LOXHD1: variants seen among roughly 807,000 people sequenced by gnomAD.
LOXHD1 encodes lipoxygenase homology PLAT domains 1.
A neutral mutation model predicts 248.2 loss-of-function variants in LOXHD1; 205 were observed. The ratio of observed to expected loss-of-function variants is 0.83; its 90% CI spans 0.74 to 0.93. The LOEUF is 0.93. Ranked by LOEUF, LOXHD1 falls within the 40% of genes least tolerant of loss-of-function variation. The pLI, the probability that LOXHD1 is intolerant of heterozygous loss-of-function variation, is 0.00. For synonymous variants in LOXHD1, 1,113 were observed against 1,162.8 expected, an observed-to-expected ratio of 0.96 and a Z score of 0.87; for missense variants, 2,930 against 2,971.6, an observed-to-expected ratio of 0.99 and a Z score of 0.33.
intron 8 of LOXHD1, among the ~76,000 whole-genome samples, chr18:46,599,930 T>G (rs573478265): frequency 3.9e-4 from 59 of 152,306 alleles, no homozygotes; most frequent in Admixed American, 9.1e-4. Flanking sequence ...TTTACAAGAA[T>G]GTATAAAACA....
At chr18:46,493,110 T>A (rs567111543) in intron 37 of LOXHD1, among the ~76,000 whole-genome samples, 1 of 152,354 alleles carries the variant, frequency 6.6e-6, no homozygotes, top group East Asian at 1.9e-4. Context: ...CAACTTCACT[T>A]ACTCTGTTCC....
At position 46,534,439 on chromosome 18, in the gene LOXHD1, C is replaced by T. The variant is rs867116137; in HGVS notation, c.4108G>A (p.Gly1370Arg). Reference protein sequence around the residue: ...SRFIVELEDVGEIIEKIRIGH... With the variant: ...SRFIVELEDVREIIEKIRIGH... ...ATCCGAATTTTTTCAATGATTTCTC[C>T]CACATCTTCTAACTTTGGAAAGGAG... is the stretch of plus-strand genomic sequence containing the variant. The change falls in exon 27 of 41, where the codon GGA becomes AGA. Residue 1370 changes from glycine (G) to arginine (R), a missense_variant. Coordinates refer to ENST00000642948, the MANE Select transcript of LOXHD1 (RefSeq NM_001384474.1). The T allele has an allele frequency of 6.4e-7, 1 of 1,551,358 alleles. No homozygotes were observed. Among genetic ancestry groups the T allele is most frequent in the Non-Finnish European group, 8.7e-7 (1 of 1,146,634 alleles).
At chr18:46,592,146 C>G in intron 11 of LOXHD1, 78 bp from the exon 12 acceptor site, 2 of 1,496,178 alleles carry the variant, frequency 1.3e-6, no homozygotes, top group Non-Finnish European at 1.8e-6. Flanking sequence ...ATTCTGCTAT[C>G]TCATTGCAGA....
rs1432755115 is a variant in LOXHD1, at chr18:46,578,007, T to G, written c.1810-140A>C. 9.7e-6 allele frequency: 8 copies of G among 825,440 alleles called. No homozygotes were observed. In the Admixed American group the frequency reaches 1.3e-4, roughly 14 times the overall value. The allele number at this position is 825,440 out of a possible 1,614,324, so 51.1% of individuals were successfully genotyped here. On this transcript the variant is annotated intron_variant, in intron 13 of 40. Transcript: ENST00000642948. ...CCTCTTTCACACATGGGACAGGAGC[T>G]ACCTATAAAGCACAGCTCACACCCA...
At chr18:46,655,232 A>C (rs1599082100) in intron 1 of LOXHD1, among the ~76,000 whole-genome samples, 1 of 152,192 alleles carries the variant, frequency 6.6e-6, no homozygotes, top group African/African-American at 2.4e-5. Flanking sequence ...AAGTCACTTA[A>C]TGTCTCAGGG....
At chr18:46,597,216 G>T (rs2038269763) in intron 8 of LOXHD1, among the ~76,000 whole-genome samples, 1 of 152,006 alleles carries the variant, frequency 6.6e-6, no homozygotes, top group African/African-American at 2.4e-5. Flanking sequence ...TACATTTAGG[G>T]TTTCCCATAT....
At chr18:46,553,572 T>C (rs1052890913) in intron 21 of LOXHD1, among the ~76,000 whole-genome samples, 2 of 152,236 alleles carry the variant, frequency 1.3e-5, no homozygotes, top group South Asian at 2.1e-4. Flanking sequence ...CATTAGTGTA[T>C]TTAATAAGTA....
At chr18:46,529,095 C>T (rs2035948316) in intron 29 of LOXHD1, 82 bp downstream of exon 29, 4 of 1,514,848 alleles carry the variant, frequency 2.6e-6, no homozygotes, top group East Asian at 4.9e-5. Flanking sequence ...CTGGATGTCC[C>T]CAGGAACCAA....
intron 7 of LOXHD1, chr18:46,601,700 A>T: frequency 3.7e-6 from 2 of 540,318 alleles, no homozygotes; most frequent in Non-Finnish European, 6.6e-6. Context: ...AACCGCACGT[A>T]TTATTACAGG....
At chr18:46,641,101 A>G (rs971331893) in intron 3 of LOXHD1, among the ~76,000 whole-genome samples, 1 of 152,042 alleles carries the variant, frequency 6.6e-6, no homozygotes, top group African/African-American at 2.4e-5. Context: ...CCCCTGCAAG[A>G]GCCCTTTCCC....
rs183134085 is a variant in LOXHD1 at position 46,534,139 on chromosome 18, C to T, written c.4212+196G>A. ...ATGCCCAGACCCTCCTCCTCAACCACGAAACCAGGTTCTAGAAAATTCTGC... is the reference window on the plus strand; with the variant it reads ...ATGCCCAGACCCTCCTCCTCAACCATGAAACCAGGTTCTAGAAAATTCTGC... On this transcript the variant is annotated intron_variant, in intron 27 of 40. Transcript: ENST00000642948. Among the ~76,000 whole-genome samples the T allele has an allele frequency of 1.2e-3, 183 of 152,196 alleles. 1 individual carries two copies. The highest frequency in any genetic ancestry group is 4.0e-3 in the African/African-American group (168 of 41,560).
chr18:46,502,225 G>A (rs1364706942), intron 37 of LOXHD1, among the ~76,000 whole-genome samples: 1 of 152,146 alleles, frequency 6.6e-6, no homozygotes, highest in Admixed American at 6.5e-5. Flanking sequence ...TCAAATATAT[G>A]AGCCTTTACT....
At chr18:46,531,508 T>C (rs2036067387) in intron 28 of LOXHD1, among the ~76,000 whole-genome samples, 1 of 152,170 alleles carries the variant, frequency 6.6e-6, no homozygotes, top group African/African-American at 2.4e-5. Flanking sequence ...ACACCTTTTC[T>C]AGGAGCCTGT....
intron 37 of LOXHD1, among the ~76,000 whole-genome samples, chr18:46,492,540 A>G (rs2033561131): frequency 6.6e-6 from 1 of 152,220 alleles, no homozygotes. Context: ...CAATTCAATT[A>G]TCTCCCCCTG....
chr18:46,495,793 G>A (rs1198974887), intron 37 of LOXHD1, among the ~76,000 whole-genome samples: 2 of 152,174 alleles, frequency 1.3e-5, no homozygotes, highest in Non-Finnish European at 2.9e-5. Flanking sequence ...TATGATAGTG[G>A]TGGTGTAATT....
At chr18:46,615,252 A>C (rs1160246110) in intron 5 of LOXHD1, among the ~76,000 whole-genome samples, 2 of 152,162 alleles carry the variant, frequency 1.3e-5, no homozygotes, top group African/African-American at 4.8e-5. Flanking sequence ...CTTCTCCAAT[A>C]ATGTAGCTTA....
intron 5 of LOXHD1, among the ~76,000 whole-genome samples, chr18:46,616,204 G>A (rs372228772): frequency 6.6e-6 from 1 of 151,828 alleles, no homozygotes; most frequent in South Asian, 2.1e-4. Flanking sequence ...CTTTTTCTTT[G>A]CTTCCCTTTC....
Position 46,529,186 on chromosome 18 carries a change from C to T in LOXHD1, c.4521G>A (p.Glu1507=). 1 of 1,551,572 alleles carries T rather than the reference C, an allele frequency of 6.4e-7. No individual in the cohort carries two copies. The highest frequency in any genetic ancestry group is 8.7e-7 in the Non-Finnish European group (1 of 1,146,968). ...CGTGTGCCCCTCATACCGTTCCTCT[C>T]TCGAACTTGTTGGTCCGGTTCTCTG... is the stretch of plus-strand genomic sequence containing the variant. The part of the protein sequence containing the change: ...GKSENRTNKF[E]RGTADTFIIE... The change falls in exon 29 of 41, where the codon GAG becomes GAA. Residue 1507 remains glutamate, a synonymous_variant. Transcript: ENST00000642948.
chr18:46,605,741 T>TGG (rs2038403897), intron 6 of LOXHD1, among the ~76,000 whole-genome samples: 1 of 152,086 alleles, frequency 6.6e-6, no homozygotes, highest in Non-Finnish European at 1.5e-5. Flanking sequence ...ATTACCCAAC[T>TGG]GGAGCCAAGA....
Sources: gnomAD v4.1 joint callset for allele counts (sites outside exome capture counted in the v4.1 genomes callset) on GRCh38, gnomAD v4.1.1 for gene constraint, MANE v1.5 for transcripts, NCBI Gene and HGNC (gene_info 2026-07-23, HGNC 2026-07-21) for gene names.